Variants in DPP6 observed in about 807,000 individuals in gnomAD.
DPP6 encodes the protein dipeptidyl peptidase like 6, also known as A-type potassium channel modulatory protein DPP6.
Under a neutral mutation model 122.6 loss-of-function variants are expected in DPP6, and 69 were observed. That is an observed-to-expected ratio of 0.56 (90% confidence interval 0.46 to 0.69). The LOEUF is 0.69. DPP6 is among the 30% of genes least tolerant of loss of function. The pLI is 0.00. For synonymous variants in DPP6, 418 were observed against 433.1 expected (o/e 0.97, Z 0.43); for missense variants, 928 against 1,116.9 (o/e 0.83, Z 2.41).
intron 1 of DPP6, among the ~76,000 whole-genome samples, chr7:154,438,816 C>G (rs963439096): frequency 6.6e-6 from 1 of 152,274 alleles, no homozygotes; most frequent in African/African-American, 2.4e-5. Context: ...CAGCCAAGAA[C>G]GACTTGGAAT....
intron 1 of DPP6, among the ~76,000 whole-genome samples, chr7:154,383,879 G>C (rs1451424424): frequency 9.0e-6 from 1 of 110,754 alleles, no homozygotes; most frequent in Non-Finnish European, 1.8e-5. Context: ...GACAGAGTGA[G>C]ACTCTGTCTC....
intron 1 of DPP6, among the ~76,000 whole-genome samples, chr7:153,889,602 C>G (rs994709269): frequency 6.6e-6 from 1 of 152,204 alleles, no homozygotes; most frequent in Non-Finnish European, 1.5e-5. Context: ...TTGCCCTCCC[C>G]CTAACCCCTC....
chr7:154,661,957 G>C (rs1197737588), intron 6 of DPP6, among the ~76,000 whole-genome samples: 7 of 150,728 alleles, frequency 4.6e-5, no homozygotes, highest in African/African-American at 7.3e-5. Context: ...TGTTCATATA[G>C]TCATGGTGAA....
chr7:154,071,323 A>C (rs1803105159), intron 1 of DPP6, among the ~76,000 whole-genome samples: 1 of 152,174 alleles, frequency 6.6e-6, no homozygotes, highest in Non-Finnish European at 1.5e-5. Context: ...TCATTTTACA[A>C]ATATGGAAAC....
At chr7:154,464,243 T>G (rs1036258764) in intron 2 of DPP6, among the ~76,000 whole-genome samples, 1 of 152,186 alleles carries the variant, frequency 6.6e-6, no homozygotes, top group South Asian at 2.1e-4. Flanking sequence ...AAAGCAACAC[T>G]GAGTTTCAAT....
At chr7:154,213,310 A>G (rs1799835949) in intron 1 of DPP6, among the ~76,000 whole-genome samples, 1 of 152,238 alleles carries the variant, frequency 6.6e-6, no homozygotes, top group Non-Finnish European at 1.5e-5. Context: ...AGTATTTGAC[A>G]TATATGTATA....
rs77519332 is a variant in DPP6 at position 154,780,780 on chromosome 7, C to G, written c.1136+7838C>G. ...TCATGTTTTTAAATGTGTTAACATG[C>G]ATTGAGGCATGAGCAAATATTGAGG... On this transcript the variant is annotated intron_variant, in intron 10 of 25. Coordinates refer to ENST00000377770, the MANE Select transcript of DPP6 (RefSeq NM_130797.4). 6.2e-3 allele frequency among the ~76,000 whole-genome samples: 949 copies of G among 152,276 alleles called. 4 individuals carry two copies. Among genetic ancestry groups the G allele is most frequent in the Non-Finnish European group, 0.011 (736 of 68,024 alleles).
intron 1 of DPP6, among the ~76,000 whole-genome samples, chr7:154,064,447 A>C (rs1323307812): frequency 6.6e-6 from 1 of 152,092 alleles, no homozygotes; most frequent in East Asian, 1.9e-4. Flanking sequence ...GTTTTCTTTC[A>C]GCTCTCAGTG....
At chr7:154,039,326 T>C (rs1389903343) in intron 1 of DPP6, among the ~76,000 whole-genome samples, 5 of 146,914 alleles carry the variant, frequency 3.4e-5, no homozygotes, top group African/African-American at 1.4e-4. Context: ...AGCTGGGTTT[T>C]CTTGGACGAT....
intron 1 of DPP6, among the ~76,000 whole-genome samples, chr7:154,104,829 G>A (rs986877811): frequency 2.0e-5 from 3 of 152,210 alleles, no homozygotes; most frequent in African/African-American, 7.2e-5. Flanking sequence ...CTCAGTGTAA[G>A]ATCAGGTTTG....
the DPP6 span, among the ~76,000 whole-genome samples, chr7:153,824,098 A>G: frequency 0.72 from 109,403 of 151,716 alleles, 40,012 homozygotes; most frequent in African/African-American, 0.87. Flanking sequence ...CATCAGAAAT[A>G]GGTATTGGGG....
chr7:154,779,355 C>A (rs1178626240), intron 10 of DPP6, among the ~76,000 whole-genome samples: 3 of 151,318 alleles, frequency 2.0e-5, no homozygotes, highest in African/African-American at 4.9e-5. Context: ...TCTACTTCCA[C>A]CACCACCACT....
intron 1 of DPP6, among the ~76,000 whole-genome samples, chr7:154,393,726 T>C (rs1292313): frequency 0.97 from 148,069 of 152,164 alleles, 72,080 homozygotes; most frequent in East Asian, 1. Flanking sequence ...TGTTGTATGA[T>C]GATTACCACC....
At chr7:154,371,156 T>A (rs1251249427) in intron 1 of DPP6, among the ~76,000 whole-genome samples, 1 of 151,914 alleles carries the variant, frequency 6.6e-6, no homozygotes, top group Non-Finnish European at 1.5e-5. Context: ...GGTGGGCGGA[T>A]CGCTTGAGGT....
At chr7:154,517,859 G>A (rs547452479) in intron 3 of DPP6, among the ~76,000 whole-genome samples, 68 of 152,108 alleles carry the variant, frequency 4.5e-4, no homozygotes, top group African/African-American at 1.5e-3. Flanking sequence ...AACAGATATC[G>A]CACTGCAAGT....
rs372433140 is a variant in DPP6, at chr7:154,287,617, G to C, written c.244-158597G>C. On this transcript the variant is annotated intron_variant, in intron 1 of 25. Transcript: ENST00000377770. ...ATAGATGGGAGCTGCGAGCTGCAGA[G>C]GGCCAGGACTCGGTGTGTTCCCCAC... Among the ~76,000 whole-genome samples, 111 of 152,334 alleles carry C rather than the reference G, an allele frequency of 7.3e-4. 1 individual carries two copies. The Middle Eastern group carries it at 0.014, about 19-fold the overall frequency.
At chr7:154,881,759 G>T (rs3800577) in intron 21 of DPP6, among the ~76,000 whole-genome samples, 54,219 of 152,094 alleles carry the variant, frequency 0.36, 10,037 homozygotes, top group South Asian at 0.44. Flanking sequence ...GCTCCCGGAA[G>T]CAGGGGATGC....
intron 1 of DPP6, among the ~76,000 whole-genome samples, chr7:153,927,887 T>C (rs2129011697): frequency 6.6e-6 from 1 of 152,136 alleles, no homozygotes; most frequent in Non-Finnish European, 1.5e-5. Context: ...GTATCCTTTA[T>C]TAAAAACAGT....
At chr7:153,782,534 C>T in the DPP6 span, among the ~76,000 whole-genome samples, 1 of 152,160 alleles carries the variant, frequency 6.6e-6, no homozygotes, top group Non-Finnish European at 1.5e-5. Context: ...CTCAAACCCC[C>T]TTAGCGTGTG....
Sources: gnomAD v4.1 joint callset for allele counts (sites outside exome capture counted in the v4.1 genomes callset) on GRCh38, gnomAD v4.1.1 for gene constraint, MANE v1.5 for transcripts, NCBI Gene and HGNC (gene_info 2026-07-23, HGNC 2026-07-21) for gene names.